The following ADAMTSL3 variants were observed in gnomAD, a reference collection of about 807,000 sequenced individuals.
ADAMTSL3 encodes ADAMTS-like protein 3.
A neutral mutation model predicts 201.7 loss-of-function variants in ADAMTSL3; 128 were observed. That is an observed-to-expected ratio of 0.63 (90% CI 0.55 to 0.73). The LOEUF (loss-of-function observed/expected upper bound fraction) is 0.73. Ranked by LOEUF, ADAMTSL3 falls within the 30% of genes least tolerant of loss-of-function variation. The pLI is 0.00. For missense variants in ADAMTSL3, 1,990 were observed against 2,119.6 expected, an observed-to-expected ratio of 0.94 and a Z score of 1.20; for synonymous variants, 738 against 748.4, an observed-to-expected ratio of 0.99 and a Z score of 0.23.
chr15:83,890,073 A>G (rs779847849), intron 10 of ADAMTSL3, 36 bp from the exon 11 acceptor site: 2 of 1,576,298 alleles, frequency 1.3e-6, no homozygotes, highest in Non-Finnish European at 1.7e-6. Context: ...AATGAAACGG[A>G]TGCAATATTC....
intron 19 of ADAMTSL3, among the ~76,000 whole-genome samples, chr15:83,958,810 G>A (rs1400414960): frequency 3.3e-5 from 5 of 151,930 alleles, no homozygotes; most frequent in Admixed American, 6.6e-5. Flanking sequence ...GATAGCTGAC[G>A]GTTTAGAAAA....
intron 8 of ADAMTSL3, among the ~76,000 whole-genome samples, chr15:83,869,379 C>T (rs750792075): frequency 1.3e-5 from 2 of 152,112 alleles, no homozygotes; most frequent in Non-Finnish European, 2.9e-5. Flanking sequence ...AAATCTATTG[C>T]GGTCATGGAG....
chr15:83,899,981 T>C (rs1348023107), intron 15 of ADAMTSL3, among the ~76,000 whole-genome samples: 1 of 152,210 alleles, frequency 6.6e-6, no homozygotes, highest in Non-Finnish European at 1.5e-5. Context: ...AGTGGTCTGC[T>C]ACACTTAAGA....
chr15:84,029,453 G>C (rs1004562378), intron 27 of ADAMTSL3, among the ~76,000 whole-genome samples: 70 of 152,288 alleles, frequency 4.6e-4, no homozygotes, highest in East Asian at 1.9e-4. Flanking sequence ...ATGATTTAGG[G>C]TATCTGGTAG....
chr15:83,800,755 T>G (rs2063503218), intron 4 of ADAMTSL3, among the ~76,000 whole-genome samples: 1 of 152,204 alleles, frequency 6.6e-6, no homozygotes, highest in South Asian at 2.1e-4. Context: ...ATCAAAAGCT[T>G]TTTACAGCTG....
intron 19 of ADAMTSL3, among the ~76,000 whole-genome samples, chr15:83,968,527 G>T (rs554827270): frequency 1.3e-5 from 2 of 152,240 alleles, no homozygotes; most frequent in Admixed American, 6.5e-5. Context: ...TGCTGGAGAG[G>T]ATATGGAGAA....
chr15:83,976,384 A>G (rs2085238283), intron 20 of ADAMTSL3, among the ~76,000 whole-genome samples: 1 of 152,164 alleles, frequency 6.6e-6, no homozygotes, highest in South Asian at 2.1e-4. Context: ...ACCAGGGACC[A>G]GTTTCATGGA....
chr15:83,843,328 A>G (rs545712081), intron 7 of ADAMTSL3, among the ~76,000 whole-genome samples: 1 of 152,278 alleles, frequency 6.6e-6, no homozygotes, highest in South Asian at 2.1e-4. Context: ...GTGACATGGT[A>G]TAAGCCAGGA....
intron 19 of ADAMTSL3, among the ~76,000 whole-genome samples, chr15:83,952,991 C>T (rs2066785917): frequency 6.6e-6 from 1 of 152,104 alleles, no homozygotes. Flanking sequence ...TAACTCCATC[C>T]CTTTATTTTC....
Position 83,923,977 on chromosome 15 carries a change from G to A in ADAMTSL3, c.2061G>A (p.Met687Ile), listed in dbSNP as rs775093995. The part of the protein sequence containing the change: ...QQTVNDSLCD[M>I]VHRPPAMSQA... ...CAGTCAATGACAGCTTGTGTGATATGGTCCACCGTCCTCCAGCCATGAGCC... is the reference window on the plus strand; with the variant it reads ...CAGTCAATGACAGCTTGTGTGATATAGTCCACCGTCCTCCAGCCATGAGCC... The change falls in exon 17 of 30, where the codon ATG (methionine) becomes ATA (isoleucine). Residue 687 changes from methionine (M) to isoleucine (I), a missense_variant. Met to Ile is a conservative substitution (Grantham distance 10). Transcript: ENST00000286744. The A allele has an allele frequency of 6.2e-7, 1 of 1,614,122 alleles. No individual in the cohort carries two copies. The highest frequency in any genetic ancestry group is 1.3e-5 in the African/African-American group (1 of 75,040).
intron 20 of ADAMTSL3, among the ~76,000 whole-genome samples, chr15:83,979,423 C>G (rs189677256): frequency 3.3e-5 from 5 of 152,290 alleles, no homozygotes; most frequent in African/African-American, 1.2e-4. Context: ...GTAGGCATAC[C>G]TTGCCTTGTT....
At chr15:83,934,251 G>A (rs1260838226) in intron 17 of ADAMTSL3, among the ~76,000 whole-genome samples, 1 of 152,226 alleles carries the variant, frequency 6.6e-6, no homozygotes, top group Non-Finnish European at 1.5e-5. Context: ...GCATCAGTGT[G>A]ACCTGTATGC....
intron 5 of ADAMTSL3, among the ~76,000 whole-genome samples, chr15:83,815,983 A>G (rs1177308637): frequency 6.6e-6 from 1 of 152,228 alleles, no homozygotes; most frequent in African/African-American, 2.4e-5. Context: ...TATGCTAAGA[A>G]CAGAAGTCCA....
intron 4 of ADAMTSL3, among the ~76,000 whole-genome samples, chr15:83,779,409 A>G (rs915078506): frequency 7.2e-5 from 11 of 152,164 alleles, no homozygotes; most frequent in African/African-American, 2.7e-4. Flanking sequence ...ATCATAAAAA[A>G]CAATCTCGGC....
chr15:83,819,962 TGGTG>T lies in ADAMTSL3; in HGVS notation c.517_520del (p.Val173TrpfsTer74). The stretch of plus-strand genomic sequence containing the variant: ...AAGTGTCATGCACAAGGACAAAACT[TGGTG>T]GTGGAGCTGGCACCTAAGGTACTGG... On this transcript the variant is annotated frameshift_variant, in exon 6 of 30. Transcript: ENST00000286744. LOFTEE classifies it high-confidence loss of function. 6.2e-7 allele frequency: 1 copy of T among 1,614,084 alleles called. No individual in the cohort carries two copies. The highest frequency in any genetic ancestry group is 1.1e-5 in the South Asian group (1 of 91,088).
intron 6 of ADAMTSL3, among the ~76,000 whole-genome samples, chr15:83,827,973 T>C (rs934566071): frequency 2.0e-5 from 3 of 152,200 alleles, no homozygotes; most frequent in African/African-American, 7.2e-5. Context: ...CTTTGTTCTT[T>C]TGGGTTAGGA....
intron 10 of ADAMTSL3, among the ~76,000 whole-genome samples, chr15:83,886,524 ATG>A (rs1168724829): frequency 1.3e-5 from 2 of 152,180 alleles, no homozygotes; most frequent in Non-Finnish European, 2.9e-5. Context: ...GGTCTGCTTG[ATG>A]TCAGAGTCAT....
intron 2 of ADAMTSL3, among the ~76,000 whole-genome samples, chr15:83,684,817 A>T (rs373585255): frequency 6.6e-6 from 1 of 152,144 alleles, no homozygotes; most frequent in Non-Finnish European, 1.5e-5. Flanking sequence ...AAACAATTCT[A>T]TATATCTTCT....
chr15:83,956,614 T>A (rs1386953951), intron 19 of ADAMTSL3, among the ~76,000 whole-genome samples: 1 of 152,046 alleles, frequency 6.6e-6, no homozygotes, highest in Non-Finnish European at 1.5e-5. Context: ...ATATGCCCAG[T>A]GGATTCAAAT....
Sources: allele counts gnomAD v4.1 joint callset (sites outside exome capture counted in the v4.1 genomes callset), GRCh38; gene constraint gnomAD v4.1.1; transcripts MANE v1.5; gene names NCBI Gene and HGNC (gene_info 2026-07-23, HGNC 2026-07-21).